FSTL5: variants seen among roughly 807,000 people sequenced by gnomAD.
The protein encoded by FSTL5 is follistatin like 5, also known as follistatin-related protein 5.
Under a neutral mutation model 89.1 loss-of-function variants are expected in FSTL5, and 62 were observed. That is an observed-to-expected ratio of 0.70 (90% CI 0.57 to 0.86). The LOEUF is 0.86. FSTL5 is among the 40% of genes least tolerant of loss of function. The probability of loss-of-function intolerance (pLI) is 0.00; values close to 1 mark genes in which losing one functional copy is unlikely to be tolerated. For missense variants in FSTL5, 1,057 were observed against 1,001.6 expected (o/e 1.06, Z -0.75); for synonymous variants, 383 against 346.2 (o/e 1.11, Z -1.18).
chr4:161,969,982 G>A (rs554820376), intron 3 of FSTL5, among the ~76,000 whole-genome samples: 2 of 152,050 alleles, frequency 1.3e-5, no homozygotes, highest in Non-Finnish European at 2.9e-5. Flanking sequence ...ATGAGCTAAA[G>A]AGGTTGGTGA....
intron 1 of FSTL5, among the ~76,000 whole-genome samples, chr4:162,143,866 A>G (rs1206416275): frequency 4.0e-5 from 6 of 151,892 alleles, no homozygotes; most frequent in Non-Finnish European, 5.9e-5. Context: ...CAGAGTTTCC[A>G]AGCAGAACTA....
intron 4 of FSTL5, among the ~76,000 whole-genome samples, chr4:161,899,203 G>A (rs1733271599): frequency 6.6e-6 from 1 of 152,086 alleles, no homozygotes; most frequent in Admixed American, 6.6e-5. Context: ...TTTTCCACTA[G>A]ACAGAGACAT....
In FSTL5 at chr4:161,996,220, A is replaced by G. The variant is rs533603627; in HGVS notation, c.160+37405T>C. On this transcript the variant is annotated intron_variant, in intron 3 of 15. Coordinates refer to ENST00000306100, the MANE Select transcript of FSTL5 (RefSeq NM_020116.5). ...AAGTAATCTATTCTGCACATGGCAAAGCCCCATTTTAACCATAAGCTATCT... is the reference window on the plus strand; with the variant it reads ...AAGTAATCTATTCTGCACATGGCAAGGCCCCATTTTAACCATAAGCTATCT... Among the ~76,000 whole-genome samples, 20 of 152,366 alleles carry G rather than the reference A, an allele frequency of 1.3e-4. No homozygotes were observed. In the South Asian group the frequency reaches 3.9e-3, roughly 30 times the overall value.
chr4:161,877,183 C>CG (rs1732471946), intron 4 of FSTL5, among the ~76,000 whole-genome samples: 1 of 64,722 alleles, frequency 1.5e-5, no homozygotes, highest in African/African-American at 5.3e-5. Flanking sequence ...GACTCTGTCT[C>CG]GAAAAAAAAA....
intron 6 of FSTL5, among the ~76,000 whole-genome samples, chr4:161,670,768 C>T (rs1035379053): frequency 6.6e-6 from 1 of 152,170 alleles, no homozygotes; most frequent in Admixed American, 6.6e-5. Flanking sequence ...CAATTCTTCA[C>T]AGGGTCCAAA....
intron 4 of FSTL5, among the ~76,000 whole-genome samples, chr4:161,784,538 A>G (rs1741812107): frequency 6.6e-6 from 1 of 152,152 alleles, no homozygotes; most frequent in Non-Finnish European, 1.5e-5. Context: ...CTAATTTGTC[A>G]CATCATTCAA....
At chr4:161,523,345 T>A (rs926904329) in intron 10 of FSTL5, among the ~76,000 whole-genome samples, 1 of 152,114 alleles carries the variant, frequency 6.6e-6, no homozygotes, top group Non-Finnish European at 1.5e-5. Context: ...AGGAAGGAAA[T>A]GATGCTCTGT....
rs1731585314 is a variant in FSTL5 at position 161,535,699 on chromosome 4, C to G, written c.1312+2467G>C. Among the ~76,000 whole-genome samples the G allele has an allele frequency of 2.6e-5, 4 of 152,104 alleles. No individual in the cohort carries two copies. The South Asian group carries it at 8.3e-4, about 31-fold the overall frequency. ...TGGAGATTTCTCAAAGAACTTAAAA[C>G]AGACGTTACTATTTGACCCAGCAAT... On this transcript the variant is annotated intron_variant, in intron 10 of 15. Transcript: ENST00000306100.
intron 1 of FSTL5, among the ~76,000 whole-genome samples, chr4:162,151,426 T>G (rs1421242946): frequency 2.6e-5 from 4 of 152,190 alleles, no homozygotes; most frequent in African/African-American, 9.7e-5. Flanking sequence ...TTGTGCCAGT[T>G]TTAAAAGTTT....
chr4:161,649,283 T>C (rs1736255362), intron 7 of FSTL5, among the ~76,000 whole-genome samples: 1 of 152,204 alleles, frequency 6.6e-6, no homozygotes, highest in African/African-American at 2.4e-5. Context: ...TCTCAAACTG[T>C]TTACGAAACT....
At chr4:162,120,975 A>C (rs1731835057) in intron 1 of FSTL5, among the ~76,000 whole-genome samples, 1 of 151,982 alleles carries the variant, frequency 6.6e-6, no homozygotes, top group African/African-American at 2.4e-5. Flanking sequence ...TTTTTGGTTC[A>C]TACATTTGGT....
chr4:161,596,848 A>T (rs1560971318), intron 7 of FSTL5, among the ~76,000 whole-genome samples: 2 of 152,158 alleles, frequency 1.3e-5, no homozygotes. Context: ...AAAAGAAGAC[A>T]TATCCTTCGC....
intron 6 of FSTL5, among the ~76,000 whole-genome samples, chr4:161,740,059 G>A (rs948178537): frequency 1.3e-4 from 19 of 150,132 alleles, no homozygotes; most frequent in South Asian, 2.1e-4. Context: ...TGCTCTTGTC[G>A]CCCAGGCTGC....
At chr4:161,490,721 T>A (rs1578874149) in intron 12 of FSTL5, among the ~76,000 whole-genome samples, 1 of 152,260 alleles carries the variant, frequency 6.6e-6, no homozygotes, top group Middle Eastern at 3.4e-3. Context: ...AAACTATAAA[T>A]GTTTTACAGA....
At chr4:161,962,485 A>G (rs1735209295) in intron 3 of FSTL5, among the ~76,000 whole-genome samples, 2 of 151,988 alleles carry the variant, frequency 1.3e-5, no homozygotes, top group Admixed American at 6.6e-5. Flanking sequence ...ACTTGAGAAC[A>G]ATAGTACTTC....
chr4:161,461,295 A>G (rs1733567170), intron 13 of FSTL5, among the ~76,000 whole-genome samples: 1 of 124,156 alleles, frequency 8.1e-6, no homozygotes, highest in African/African-American at 3.4e-5. Context: ...ATACAAAAAA[A>G]ACAAACAAAC....
chr4:162,153,981 A>C (rs1244303589), intron 1 of FSTL5, among the ~76,000 whole-genome samples: 1 of 150,518 alleles, frequency 6.6e-6, no homozygotes, highest in Non-Finnish European at 1.5e-5. Flanking sequence ...AATTTTTTGT[A>C]TTTTTAGTAG....
rs576081978 is a variant in FSTL5 at position 161,950,556 on chromosome 4, C to T, written c.161-29904G>A. 1.2e-4 allele frequency among the ~76,000 whole-genome samples: 18 copies of T among 152,274 alleles called. 1 individual carries two copies. The South Asian group carries it at 3.5e-3, about 30-fold the overall frequency. On this transcript the variant is annotated intron_variant, in intron 3 of 15. Coordinates refer to ENST00000306100, the MANE Select transcript of FSTL5 (RefSeq NM_020116.5). Reference sequence around the variant, plus strand: ...TCCCAGTTCATCTGCTGTGGCACAGCCTGTAGCAGTCAGGCCTCCTGTTTC... The same window carrying T: ...TCCCAGTTCATCTGCTGTGGCACAGTCTGTAGCAGTCAGGCCTCCTGTTTC...
chr4:161,568,283 T>C (rs1055459307), intron 8 of FSTL5, among the ~76,000 whole-genome samples: 6 of 152,148 alleles, frequency 3.9e-5, no homozygotes, highest in African/African-American at 1.4e-4. Context: ...ACCGATCTCC[T>C]ATATGTGCAA....
Sources: gnomAD v4.1 joint callset for allele counts (sites outside exome capture counted in the v4.1 genomes callset) on GRCh38, gnomAD v4.1.1 for gene constraint, MANE v1.5 for transcripts, NCBI Gene and HGNC (gene_info 2026-07-23, HGNC 2026-07-21) for gene names.